Variants in BMPR1B observed in about 807,000 individuals in gnomAD.
BMPR1B encodes bone morphogenetic protein receptor type 1B.
Under a neutral mutation model 59.1 loss-of-function variants are expected in BMPR1B, and 12 were observed. That is an observed-to-expected ratio of 0.20 (90% confidence interval 0.13 to 0.33). The LOEUF is 0.33. Ranked by LOEUF, BMPR1B falls within the 10% of genes least tolerant of loss-of-function variation. BMPR1B has a pLI of 1.00. For missense variants in BMPR1B, 550 were observed against 610.9 expected, an observed-to-expected ratio of 0.90 and a Z score of 1.05; for synonymous variants, 237 against 207.3, an observed-to-expected ratio of 1.14 and a Z score of -1.23.
intron 1 of BMPR1B, among the ~76,000 whole-genome samples, chr4:94,820,451 G>T (rs1724165877): frequency 6.6e-6 from 1 of 152,210 alleles, no homozygotes; most frequent in African/African-American, 2.4e-5. Flanking sequence ...CTCTGGGAGG[G>T]CAGGGAGTGT....
At chr4:95,010,563 A>T (rs753902799) in intron 3 of BMPR1B, among the ~76,000 whole-genome samples, 4 of 152,210 alleles carry the variant, frequency 2.6e-5, no homozygotes, top group Non-Finnish European at 5.9e-5. Context: ...TTCAAAGGAA[A>T]TGGAGCTGGG....
At chr4:94,983,975 G>A (rs1025335184) in intron 2 of BMPR1B, among the ~76,000 whole-genome samples, 11 of 152,220 alleles carry the variant, frequency 7.2e-5, no homozygotes, top group African/African-American at 2.7e-4. Flanking sequence ...AATGTTCCAT[G>A]AGAAGGATTA....
chr4:94,836,401 A>G (rs979278291), intron 1 of BMPR1B, among the ~76,000 whole-genome samples: 22 of 137,160 alleles, frequency 1.6e-4, no homozygotes, highest in African/African-American at 5.9e-4. Context: ...CTATTTCTCC[A>G]CATCCTCTCC....
chr4:95,018,124 TA>T (rs1190766041), intron 3 of BMPR1B, among the ~76,000 whole-genome samples: 2 of 152,190 alleles, frequency 1.3e-5, no homozygotes, highest in African/African-American at 2.4e-5. Flanking sequence ...TGATGAAATA[TA>T]AAATAATTAT....
intron 2 of BMPR1B, among the ~76,000 whole-genome samples, chr4:94,972,401 A>T (rs1399284614): frequency 6.6e-6 from 1 of 152,152 alleles, no homozygotes; most frequent in Non-Finnish European, 1.5e-5. Context: ...AATATTCATT[A>T]GTTCTATTAC....
chr4:94,921,506 C>A (rs1335072809), intron 2 of BMPR1B, among the ~76,000 whole-genome samples: 1 of 151,908 alleles, frequency 6.6e-6, no homozygotes, highest in Non-Finnish European at 1.5e-5. Flanking sequence ...TGGGAGAAGG[C>A]CAGTCACATG....
intron 3 of BMPR1B, among the ~76,000 whole-genome samples, chr4:95,000,893 A>C (rs1560588569): frequency 6.6e-6 from 1 of 152,200 alleles, no homozygotes. Flanking sequence ...TTTCTGTAAC[A>C]GTGAAGGGCA....
chr4:95,020,024 T>C (rs1288399282), intron 3 of BMPR1B, among the ~76,000 whole-genome samples: 2 of 152,190 alleles, frequency 1.3e-5, no homozygotes, highest in Non-Finnish European at 2.9e-5. Flanking sequence ...TAGTTTATTA[T>C]ATAATAATAA....
At chr4:95,091,463 G>T (rs1729983219) in intron 3 of BMPR1B, 1 of 985,136 alleles carries the variant, frequency 1.0e-6, no homozygotes, top group Non-Finnish European at 1.2e-6. Context: ...ACCACAGTCT[G>T]GGCTGCATTT....
intron 2 of BMPR1B, among the ~76,000 whole-genome samples, chr4:94,934,312 C>T (rs1013886155): frequency 6.6e-6 from 1 of 151,940 alleles, no homozygotes; most frequent in Non-Finnish European, 1.5e-5. Flanking sequence ...AGATAAGAAA[C>T]CATTTATTTT....
At chr4:95,061,619 G>C (rs1727404760) in intron 3 of BMPR1B, among the ~76,000 whole-genome samples, 2 of 152,154 alleles carry the variant, frequency 1.3e-5, no homozygotes, top group South Asian at 4.1e-4. Context: ...AGAAAATGAA[G>C]CAGAAAGTTG....
chr4:95,149,659 G>C (rs1325918949), intron 11 of BMPR1B, among the ~76,000 whole-genome samples: 2 of 152,116 alleles, frequency 1.3e-5, no homozygotes, highest in African/African-American at 4.8e-5. Flanking sequence ...TCTTCTGTAT[G>C]TTATTCCATG....
At chr4:94,888,222 TC>T (rs1727257002) in intron 2 of BMPR1B, among the ~76,000 whole-genome samples, 1 of 152,088 alleles carries the variant, frequency 6.6e-6, no homozygotes, top group South Asian at 2.1e-4. Context: ...TATCAATTCT[TC>T]CTGAGGAATC....
chr4:95,152,655 A>G lies in BMPR1B; in HGVS notation c.1265A>G (p.Glu422Gly). The G allele has an allele frequency of 6.4e-7, 1 of 1,553,750 alleles. No individual in the cohort carries two copies. Among genetic ancestry groups the G allele is most frequent in the African/African-American group, 1.4e-5 (1 of 73,282 alleles). The stretch of plus-strand genomic sequence containing the variant: ...AACATATTTTTAGGTATAGTGGAAG[A>G]ATACCAGCTTCCTTATCATGACCTA... Reference protein sequence around the residue: ...RRCVSGGIVEEYQLPYHDLVP... With the variant: ...RRCVSGGIVEGYQLPYHDLVP... Residue 422 changes from glutamate (E) to glycine (G), a missense_variant, in exon 12 of 13, where the codon GAA (glutamate) becomes GGA (glycine). Around this residue, in one of 6 missense-constraint regions of BMPR1B, gnomAD observed 123 missense variants for 164.6 expected, o/e 0.75. Transcript: ENST00000515059.
intron 3 of BMPR1B, among the ~76,000 whole-genome samples, chr4:95,067,098 T>C (rs149788740): frequency 1.4e-3 from 206 of 152,326 alleles, no homozygotes; most frequent in African/African-American, 4.9e-3. Context: ...AATGATTTAA[T>C]AGAACTTTGG....
intron 2 of BMPR1B, among the ~76,000 whole-genome samples, chr4:94,968,454 A>G (rs1730642911): frequency 6.6e-6 from 1 of 152,112 alleles, no homozygotes; most frequent in Admixed American, 6.6e-5. Flanking sequence ...AATTCTGGGG[A>G]AAATATGTTT....
intron 12 of BMPR1B, among the ~76,000 whole-genome samples, chr4:95,153,050 T>C (rs891810964): frequency 1.3e-5 from 2 of 152,226 alleles, no homozygotes; most frequent in Admixed American, 1.3e-4. Flanking sequence ...TTATAATGTC[T>C]TGACATTTGC....
At chr4:95,101,101 T>C (rs758592769) in intron 3 of BMPR1B, among the ~76,000 whole-genome samples, 1 of 152,162 alleles carries the variant, frequency 6.6e-6, no homozygotes, top group South Asian at 2.1e-4. Flanking sequence ...GCTGTTTCAC[T>C]GAGAAACTCA....
intron 2 of BMPR1B, among the ~76,000 whole-genome samples, chr4:94,990,713 C>CT (rs776895612): frequency 3.3e-5 from 5 of 151,754 alleles, no homozygotes; most frequent in Admixed American, 6.6e-5. Flanking sequence ...GTTTTTTATA[C>CT]TTTAAGTTTT....
Sources: allele counts gnomAD v4.1 joint callset (sites outside exome capture counted in the v4.1 genomes callset), GRCh38; gene constraint gnomAD v4.1.1; regional missense constraint gnomAD v4.1.1; transcripts MANE v1.5; gene names NCBI Gene and HGNC (gene_info 2026-07-23, HGNC 2026-07-21).